Variants in RPS19 observed in about 807,000 individuals in gnomAD.
RPS19 encodes small ribosomal subunit protein eS19.
RPS19 carries 1 observed loss-of-function variant against 20.3 expected under a neutral mutation model. The ratio of observed to expected loss-of-function variants is 0.05; its 90% CI spans 0.02 to 0.23. The LOEUF is 0.23. Among genes scored for constraint, RPS19 ranks in the 10% least tolerant of loss-of-function variants. The pLI is 1.00. For missense variants in RPS19, 111 were observed against 192.7 expected, an observed-to-expected ratio of 0.58 and a Z score of 2.51; for synonymous variants, 87 against 74.8, an observed-to-expected ratio of 1.16 and a Z score of -0.84.
In RPS19 at chr19:41,869,678, A is replaced by G. The variant is rs373069315; in HGVS notation, c.357-21A>G. The G allele has an allele frequency of 6.9e-5, 111 of 1,613,468 alleles. No homozygotes were observed. In the African/African-American group the frequency reaches 1.3e-3, roughly 19 times the overall value. ...AGGACCTGTGCTCACTGGGGCCTGC[A>G]TGACCCTTCCCTCCCCACAGCGGCC... On this transcript the variant is annotated intron_variant, in intron 4 of 5. Transcript: ENST00000598742.
intron 5 of RPS19, among the ~76,000 whole-genome samples, chr19:41,870,374 G>C (rs533153658): frequency 2.0e-5 from 3 of 152,156 alleles, no homozygotes; most frequent in Non-Finnish European, 4.4e-5. Flanking sequence ...GTCCTCATGC[G>C]TACTGAGCAT....
chr19:41,860,691 G>T, intron 1 of RPS19, 84 bp from the exon 2 acceptor site: 1 of 1,020,020 alleles, frequency 9.8e-7, no homozygotes, highest in South Asian at 1.3e-5. Flanking sequence ...GGATGCGCTG[G>T]AGCGAAAGGA....
At position 41,867,266 on chromosome 19, in the gene RPS19, C is replaced by CA. The variant is rs113748599; in HGVS notation, c.173-1751dup. On this transcript the variant is annotated intron_variant, in intron 3 of 5. Transcript: ENST00000598742. ...GGGTGACAGAATGATGCCCTGTCTCCAAAAAAAAAAAAAAGTATAATATTT... is the reference window on the plus strand; with the variant it reads ...GGGTGACAGAATGATGCCCTGTCTCCAAAAAAAAAAAAAAAGTATAATATTT... Among the ~76,000 whole-genome samples the CA allele has an allele frequency of 8.1e-3, 1,041 of 127,876 alleles. 4 individuals are homozygous for CA. Among genetic ancestry groups the CA allele is most frequent in the African/African-American group, 0.02 (690 of 34,806 alleles). The allele number at this position is 127,876 out of a possible 152,430, so 83.9% of individuals were successfully genotyped here. A position where few individuals can be genotyped will look rare whatever the true frequency, so the allele number is the denominator to read the frequency against.
rs1330161446 is a variant in RPS19 at position 41,872,575 on chromosome 19, G to C, written c.*1198G>C. Reference sequence around the variant, plus strand: ...AGCTCTGCTGCTGGACAGTTCAGTTGGCAGTCCCCAAACGTAAGGCGTAAG... The same window carrying C: ...AGCTCTGCTGCTGGACAGTTCAGTTCGCAGTCCCCAAACGTAAGGCGTAAG... On this transcript the variant is annotated 3_prime_UTR_variant, in exon 6 of 6. Transcript: ENST00000598742. The C allele has an allele frequency of 6.6e-6, 1 of 152,266 alleles. No individual in the cohort carries two copies. The highest frequency in any genetic ancestry group is 1.5e-5 in the Non-Finnish European group (1 of 68,086). 9.4% of individuals were successfully genotyped at this position (152,266 alleles called of 1,614,324 possible).
chr19:41,867,087 A>G (rs529678945), intron 3 of RPS19, among the ~76,000 whole-genome samples: 6 of 151,762 alleles, frequency 4.0e-5, no homozygotes, highest in Admixed American at 3.3e-4. Flanking sequence ...GGAGGCCAAG[A>G]TGGGTGGTTC....
In RPS19 at chr19:41,872,051, A is replaced by G. The variant is rs1445697352; in HGVS notation, c.*674A>G. 6 of 152,484 alleles carry G rather than the reference A, an allele frequency of 3.9e-5. No homozygotes were observed. The highest frequency in any genetic ancestry group is 1.4e-4 in the African/African-American group (6 of 41,550). 9.4% of individuals were successfully genotyped at this position (152,484 alleles called of 1,614,324 possible). ...CATCTGAGCGGTCTTGGGCCCGCTGAGTGGCAGTGGCAGGAAGTCGGTGGA... is the reference window on the plus strand; with the variant it reads ...CATCTGAGCGGTCTTGGGCCCGCTGGGTGGCAGTGGCAGGAAGTCGGTGGA... On this transcript the variant is annotated 3_prime_UTR_variant, in exon 6 of 6. Transcript: ENST00000598742.
At chr19:41,862,931 T>G (rs2074047136) in intron 3 of RPS19, among the ~76,000 whole-genome samples, 1 of 152,230 alleles carries the variant, frequency 6.6e-6, no homozygotes. Flanking sequence ...TGTTGGGTTA[T>G]AGCCACCCCT....
intron 2 of RPS19, 52 bp from the exon 3 acceptor site, chr19:41,861,060 G>T: frequency 7.2e-7 from 1 of 1,380,082 alleles, no homozygotes; most frequent in Non-Finnish European, 1.0e-6. Flanking sequence ...TGGGATATGG[G>T]GTAGTTTGTG....
rs550182954 is a variant in RPS19 at position 41,871,478 on chromosome 19, G to A, written c.*101G>A. ...GTCGCCCAGGCTGGAGTGCAGTGGC[G>A]CCATCTCAGCTCACTGCAATCTCCG... On this transcript the variant is annotated 3_prime_UTR_variant, in exon 6 of 6. Transcript: ENST00000598742. The A allele has an allele frequency of 6.0e-6, 6 of 992,368 alleles. No individual in the cohort carries two copies. The highest frequency in any genetic ancestry group is 5.3e-5 in the Admixed American group (3 of 56,430). 61.5% of individuals were successfully genotyped at this position (992,368 alleles called of 1,614,324 possible).
intron 1 of RPS19, 142 bp from the exon 2 acceptor site, chr19:41,860,633 C>T: frequency 1.3e-6 from 1 of 777,372 alleles, no homozygotes; most frequent in South Asian, 1.4e-5. Context: ...GGAGCCGGAG[C>T]CCGGCGTTGA....
chr19:41,861,587 T>C, intron 3 of RPS19: 1 of 349,814 alleles, frequency 2.9e-6, no homozygotes, highest in South Asian at 2.4e-5. Context: ...GCCTGTGCAC[T>C]CTCTCATCCC....
chr19:41,861,537 T>C, intron 3 of RPS19: 4 of 385,112 alleles, frequency 1.0e-5, no homozygotes, highest in Non-Finnish European at 2.0e-5. Context: ...GATCCATCTT[T>C]TACATCTGGC....
At chr19:41,866,293 C>G (rs1260834265) in intron 3 of RPS19, among the ~76,000 whole-genome samples, 3 of 152,184 alleles carry the variant, frequency 2.0e-5, no homozygotes, top group African/African-American at 7.2e-5. Context: ...AGCTATTCTG[C>G]GTTCCCCAGT....
At chr19:41,861,344 C>G (rs1346548159) in intron 3 of RPS19, 132 bp downstream of exon 3, 2 of 711,836 alleles carry the variant, frequency 2.8e-6, no homozygotes, top group South Asian at 3.0e-5. Context: ...TCACCACTTG[C>G]TTTGTGTGAT....
chr19:41,866,140 C>G (rs1346839881), intron 3 of RPS19, among the ~76,000 whole-genome samples: 2 of 149,372 alleles, frequency 1.3e-5, no homozygotes, highest in Non-Finnish European at 3.0e-5. Context: ...GTAGTCCCAG[C>G]TACTCGGGAG....
intron 4 of RPS19, 87 bp downstream of exon 4, chr19:41,869,301 C>G (rs2074121588): frequency 7.8e-7 from 1 of 1,282,690 alleles, no homozygotes; most frequent in Admixed American, 2.1e-5. Context: ...CATAGTCTGC[C>G]CAGCCCCTCA....
At position 41,872,839 on chromosome 19, in the gene RPS19, G is replaced by C. The variant is rs180797301; in HGVS notation, c.*1462G>C. The stretch of plus-strand genomic sequence containing the variant: ...GAACCCCGGAGGCGGAGGTTGCAGT[G>C]GGTTGAGATCGAGCAATTGCAATCC... On this transcript the variant is annotated 3_prime_UTR_variant, in exon 6 of 6. Transcript: ENST00000598742. 1 of 152,186 alleles carries C rather than the reference G, an allele frequency of 6.6e-6. No individual in the cohort carries two copies. Among genetic ancestry groups the C allele is most frequent in the African/African-American group, 2.4e-5 (1 of 41,434 alleles). The allele number at this position is 152,186 out of a possible 1,614,324, so 9.4% of individuals were successfully genotyped here.
rs1036181126 is a variant in RPS19 at position 41,861,422 on chromosome 19, G to A, written c.172+210G>A. 1.7e-5 allele frequency: 10 copies of A among 589,308 alleles called. No homozygotes were observed. The African/African-American group carries it at 1.9e-4, about 11-fold the overall frequency. The allele number at this position is 589,308 out of a possible 1,614,324, so 36.5% of individuals were successfully genotyped here. On this transcript the variant is annotated intron_variant, in intron 3 of 5. Coordinates refer to ENST00000598742, the MANE Select transcript of RPS19 (RefSeq NM_001022.4). ...TAAGAGCTTTGTGAGAGGAGGACCT[G>A]TGGCTTTGAGCCTCAGGGGAAACCA...
intron 3 of RPS19, chr19:41,861,446 C>G: frequency 1.8e-6 from 1 of 559,398 alleles, no homozygotes. Context: ...CAGGGGAAAC[C>G]AGAGACAGAT....
Sources: gnomAD v4.1 joint callset for allele counts (sites outside exome capture counted in the v4.1 genomes callset) on GRCh38, gnomAD v4.1.1 for gene constraint, MANE v1.5 for transcripts, NCBI Gene and HGNC (gene_info 2026-07-23, HGNC 2026-07-21) for gene names.